WDR72: variants seen among roughly 807,000 people sequenced by gnomAD.
WDR72 encodes WD repeat-containing protein 72.
Under a neutral mutation model 124.2 loss-of-function variants are expected in WDR72, and 120 were observed. The ratio of observed to expected loss-of-function variants is 0.97; its 90% CI spans 0.83 to 1.12. WDR72 has a LOEUF of 1.12. Ranked by LOEUF, WDR72 falls within the 50% of genes most tolerant of loss-of-function variation. The pLI is 0.00. For missense variants in WDR72, 1,387 were observed against 1,278.8 expected, an observed-to-expected ratio of 1.08 and a Z score of -1.29; for synonymous variants, 452 against 441.7, an observed-to-expected ratio of 1.02 and a Z score of -0.29.
At chr15:53,650,028 G>A (rs2015176080) in intron 14 of WDR72, among the ~76,000 whole-genome samples, 1 of 152,044 alleles carries the variant, frequency 6.6e-6, no homozygotes, top group African/African-American at 2.4e-5. Flanking sequence ...ACCAAGATGT[G>A]GAAATAATCT....
chr15:53,593,538 G>A (rs1460030319), intron 18 of WDR72, among the ~76,000 whole-genome samples: 1 of 151,984 alleles, frequency 6.6e-6, no homozygotes, highest in Non-Finnish European at 1.5e-5. Flanking sequence ...AAGGTGGGCA[G>A]ATTGCTGGAG....
chr15:53,748,894 T>A (rs891749639), intron 1 of WDR72, among the ~76,000 whole-genome samples: 1 of 152,220 alleles, frequency 6.6e-6, no homozygotes, highest in African/African-American at 2.4e-5. Context: ...ATATTTAGTT[T>A]AAAAATATTT....
chr15:53,603,177 T>C (rs2140348717), intron 17 of WDR72, among the ~76,000 whole-genome samples: 1 of 151,952 alleles, frequency 6.6e-6, no homozygotes, highest in Non-Finnish European at 1.5e-5. Flanking sequence ...GCAAGTTTGG[T>C]TCAACATATG....
upstream of WDR72, among the ~76,000 whole-genome samples, chr15:53,760,311 A>C (rs524466): frequency 0.94 from 134,140 of 142,216 alleles, 63,479 homozygotes; most frequent in Middle Eastern, 0.99. Context: ...TTCCACCTCC[A>C]CCCGACTCCC....
At chr15:53,661,912 T>C (rs2015621531) in intron 14 of WDR72, among the ~76,000 whole-genome samples, 2 of 152,128 alleles carry the variant, frequency 1.3e-5, no homozygotes, top group Non-Finnish European at 2.9e-5. Context: ...GAAAAGACAT[T>C]TCCAGGATAC....
At chr15:53,548,400 G>A (rs998317677) in intron 18 of WDR72, among the ~76,000 whole-genome samples, 1 of 152,164 alleles carries the variant, frequency 6.6e-6, no homozygotes, top group Admixed American at 6.5e-5. Context: ...TTTCTGCCAT[G>A]CACTGGGATT....
intron 13 of WDR72, among the ~76,000 whole-genome samples, chr15:53,690,323 G>A (rs2016798133): frequency 6.6e-6 from 1 of 152,004 alleles, no homozygotes; most frequent in African/African-American, 2.4e-5. Flanking sequence ...ACACAATTCA[G>A]TGGCATTTAG....
chr15:53,709,513 C>T (rs981548961), intron 9 of WDR72, among the ~76,000 whole-genome samples: 1 of 152,082 alleles, frequency 6.6e-6, no homozygotes. Context: ...AACAAGAAGC[C>T]CCTAAAGGGC....
rs372113466 is a variant in WDR72 at position 53,671,599 on chromosome 15, G to T, written c.1766-5831C>A. Reference sequence around the variant, plus strand: ...GCTATAAAGCATCAGAGCATATGAGGGTCTCAGTGTGACAAGATTTAATGC... The same window carrying T: ...GCTATAAAGCATCAGAGCATATGAGTGTCTCAGTGTGACAAGATTTAATGC... On this transcript the variant is annotated intron_variant, in intron 13 of 19. Coordinates refer to ENST00000360509, the MANE Select transcript of WDR72 (RefSeq NM_182758.4). 3.3e-5 allele frequency among the ~76,000 whole-genome samples: 5 copies of T among 152,194 alleles called. No homozygotes were observed. The South Asian group carries it at 6.2e-4, about 19-fold the overall frequency.
At position 53,749,856 on chromosome 15, in the gene WDR72, C is replaced by T. The variant is rs146839662; in HGVS notation, c.-13+9777G>A. Among the ~76,000 whole-genome samples the T allele has an allele frequency of 2.8e-4, 43 of 152,190 alleles. No homozygotes were observed. In the East Asian group the frequency reaches 8.1e-3, roughly 29 times the overall value. On this transcript the variant is annotated intron_variant, in intron 1 of 19. Coordinates refer to ENST00000360509, the MANE Select transcript of WDR72 (RefSeq NM_182758.4). ...CATTCCCTTAAGTCAAACACTAATC[C>T]GGAGCAGCACTCTAACTCTCCTCAA...
At chr15:53,749,166 A>G (rs2018714148) in intron 1 of WDR72, among the ~76,000 whole-genome samples, 1 of 152,154 alleles carries the variant, frequency 6.6e-6, no homozygotes, top group Admixed American at 6.5e-5. Context: ...CTTCTCAGAT[A>G]ATTGTGTTTT....
chr15:53,692,387 A>C (rs1415274911), intron 13 of WDR72, among the ~76,000 whole-genome samples: 1 of 152,220 alleles, frequency 6.6e-6, no homozygotes, highest in East Asian at 1.9e-4. Context: ...GGAGTCAGGA[A>C]TAATGAATCC....
In WDR72 at chr15:53,670,512, GTTCT is replaced by G. The variant is rs2015948116; in HGVS notation, c.1766-4748_1766-4745del. ...TGACCCCATGCACAACCCTGCCCATGTTCTTTCTATCTGTCCAGGGGGACAACAA... is the reference window on the plus strand; with the variant it reads ...TGACCCCATGCACAACCCTGCCCATGTTCTATCTGTCCAGGGGGACAACAA... On this transcript the variant is annotated intron_variant, in intron 13 of 19. Transcript: ENST00000360509. Among the ~76,000 whole-genome samples the G allele has an allele frequency of 2.0e-5, 3 of 152,260 alleles. No homozygotes were observed. The South Asian group carries it at 6.2e-4, about 32-fold the overall frequency.
chr15:53,551,198 G>A (rs569642689), intron 18 of WDR72, among the ~76,000 whole-genome samples: 34 of 152,260 alleles, frequency 2.2e-4, no homozygotes, highest in African/African-American at 7.0e-4. Context: ...GATGGCCAGT[G>A]AGACTGGAGG....
chr15:53,631,570 G>A (rs755402349), intron 14 of WDR72, among the ~76,000 whole-genome samples: 25 of 152,210 alleles, frequency 1.6e-4, no homozygotes, highest in Admixed American at 2.6e-4. Flanking sequence ...AAGACAGGAA[G>A]ATGAGGGAAA....
chr15:53,759,050 C>T (rs988711351), intron 1 of WDR72, among the ~76,000 whole-genome samples: 7 of 152,038 alleles, frequency 4.6e-5, no homozygotes, highest in Non-Finnish European at 1.0e-4. Flanking sequence ...GCCGACTCAG[C>T]CCAAGCGGCA....
At chr15:53,539,269 G>A (rs1416013805) in intron 18 of WDR72, among the ~76,000 whole-genome samples, 1 of 152,008 alleles carries the variant, frequency 6.6e-6, no homozygotes, top group Non-Finnish European at 1.5e-5. Context: ...TAGAATAATT[G>A]AAAAGCCATC....
At chr15:53,708,784 G>A (rs909934504) in intron 9 of WDR72, among the ~76,000 whole-genome samples, 1 of 151,982 alleles carries the variant, frequency 6.6e-6, no homozygotes, top group Non-Finnish European at 1.5e-5. Context: ...TCCCACTTCA[G>A]CACAGCAGTC....
intron 18 of WDR72, among the ~76,000 whole-genome samples, chr15:53,573,636 C>T (rs1335665962): frequency 6.6e-6 from 1 of 152,072 alleles, no homozygotes; most frequent in African/African-American, 2.4e-5. Flanking sequence ...ACCTCCACCT[C>T]CCGTGTTCAA....
Sources: allele counts gnomAD v4.1 joint callset (sites outside exome capture counted in the v4.1 genomes callset), GRCh38; gene constraint gnomAD v4.1.1; transcripts MANE v1.5; gene names NCBI Gene and HGNC (gene_info 2026-07-23, HGNC 2026-07-21).